Variants in MYPN observed in about 807,000 individuals in gnomAD.
MYPN encodes sarcomeric protein myopalladin, 145 kDa (MYOP).
Under a neutral mutation model 129.4 loss-of-function variants are expected in MYPN, and 63 were observed. That is an observed-to-expected ratio of 0.49 (90% CI 0.40 to 0.60). The LOEUF is 0.60. Ranked by LOEUF, MYPN falls within the 20% of genes least tolerant of loss-of-function variation. The pLI, the probability that MYPN is intolerant of heterozygous loss-of-function variation, is 0.00. For synonymous variants in MYPN, 629 were observed against 600.9 expected (o/e 1.05, Z -0.68); for missense variants, 1,596 against 1,635.4 (o/e 0.98, Z 0.42).
chr10:68,180,345 G>A (rs575488128), intron 12 of MYPN, among the ~76,000 whole-genome samples: 10 of 152,076 alleles, frequency 6.6e-5, no homozygotes, highest in Non-Finnish European at 8.8e-5. Flanking sequence ...GCCACTACTC[G>A]TGGCTAATTT....
At chr10:68,147,285 G>A (rs1212389612) in intron 4 of MYPN, among the ~76,000 whole-genome samples, 1 of 152,038 alleles carries the variant, frequency 6.6e-6, no homozygotes, top group Non-Finnish European at 1.5e-5. Context: ...CTCCCAAGAA[G>A]CTGGAATTAC....
Position 68,122,265 on chromosome 10 carries a change from G to A in MYPN, c.827G>A (p.Arg276Gln), listed in dbSNP as rs771703762. 13 of 1,613,720 alleles carry A rather than the reference G, an allele frequency of 8.1e-6. No individual in the cohort carries two copies. Among genetic ancestry groups the A allele is most frequent in the African/African-American group, 1.3e-5 (1 of 74,908 alleles). The change falls in exon 2 of 20, where the codon CGG (arginine) becomes CAG (glutamine). Residue 276 changes from arginine (R) to glutamine (Q), a missense_variant. By Grantham distance (43) the Arg-to-Gln change is conservative. Coordinates refer to ENST00000358913, the MANE Select transcript of MYPN (RefSeq NM_032578.4). ...GQPPRFTQKL[R>Q]SREVPEGTRV... ...CCTCCCCGGTTCACTCAAAAGTTAC[G>A]GAGCAGAGAAGTTCCAGAAGGAACT...
intron 2 of MYPN, among the ~76,000 whole-genome samples, chr10:68,124,935 A>G (rs975031215): frequency 6.6e-6 from 1 of 152,220 alleles, no homozygotes; most frequent in Non-Finnish European, 1.5e-5. Context: ...GCTACTACTC[A>G]GCAGCATCTG....
intron 10 of MYPN, among the ~76,000 whole-genome samples, chr10:68,173,217 C>G (rs1198286066): frequency 6.6e-6 from 1 of 152,196 alleles, no homozygotes; most frequent in Non-Finnish European, 1.5e-5. Context: ...TGAGACACAT[C>G]CGGCTTCTTT....
intron 16 of MYPN, among the ~76,000 whole-genome samples, chr10:68,198,702 G>A (rs2043653299): frequency 1.3e-5 from 2 of 152,150 alleles, no homozygotes; most frequent in South Asian, 4.1e-4. Flanking sequence ...GTAATACACA[G>A]CAAGATTCAA....
At chr10:68,110,988 T>C (rs1380809181) in intron 1 of MYPN, among the ~76,000 whole-genome samples, 2 of 152,210 alleles carry the variant, frequency 1.3e-5, no homozygotes, top group South Asian at 2.1e-4. Flanking sequence ...TCCCCACTTA[T>C]AGTATATGGC....
intron 10 of MYPN, among the ~76,000 whole-genome samples, chr10:68,170,590 T>C (rs186023474): frequency 3.3e-5 from 5 of 152,268 alleles, no homozygotes; most frequent in African/African-American, 1.2e-4. Context: ...GCTATTCATA[T>C]GGAAAATAGA....
At chr10:68,095,990 AT>A (rs1470412963) in intron 1 of MYPN, among the ~76,000 whole-genome samples, 4 of 152,210 alleles carry the variant, frequency 2.6e-5, no homozygotes, top group African/African-American at 9.6e-5. Flanking sequence ...TTCAAAATAA[AT>A]TTTTTATTAG....
chr10:68,165,340 T>C, intron 8 of MYPN: 1 of 393,530 alleles, frequency 2.5e-6, no homozygotes, highest in Non-Finnish European at 4.9e-6. Context: ...TAGTCCCAGC[T>C]ACTCGGGAGG....
At chr10:68,205,514 A>AT (rs968344867) in intron 18 of MYPN, among the ~76,000 whole-genome samples, 1 of 82,952 alleles carries the variant, frequency 1.2e-5, no homozygotes, top group African/African-American at 3.7e-5. Flanking sequence ...CCCTATTTCT[A>AT]CCAAAAAAAA....
intron 1 of MYPN, among the ~76,000 whole-genome samples, chr10:68,089,012 C>A (rs1745758883): frequency 6.6e-6 from 1 of 152,092 alleles, no homozygotes; most frequent in South Asian, 2.1e-4. Flanking sequence ...TCACACAATG[C>A]GTAGTCTTTT....
At position 68,121,458 on chromosome 10, in the gene MYPN, A is replaced by C; in HGVS notation, c.20A>C (p.Glu7Ala). ...GACAGCATGCAAGACGACAGCATAGAAGCTTCTACTTCCATATCTCAGCTT... is the reference window on the plus strand; with the variant it reads ...GACAGCATGCAAGACGACAGCATAGCAGCTTCTACTTCCATATCTCAGCTT... The part of the protein sequence containing the change: MQDDSI[E>A]ASTSISQLLR... Residue 7 changes from glutamate to alanine, a missense_variant, in exon 2 of 20, where the codon GAA becomes GCA. By Grantham distance (107) the Glu-to-Ala change is moderately radical. Transcript: ENST00000358913. 2 of 1,612,608 alleles carry C rather than the reference A, an allele frequency of 1.2e-6. No individual in the cohort carries two copies. The highest frequency in any genetic ancestry group is 1.7e-6 in the Non-Finnish European group (2 of 1,179,416).
At chr10:68,155,778 C>A (rs1278683704) in intron 6 of MYPN, among the ~76,000 whole-genome samples, 1 of 152,148 alleles carries the variant, frequency 6.6e-6, no homozygotes, top group Non-Finnish European at 1.5e-5. Context: ...ATAACTATGA[C>A]TCTTAACAGT....
chr10:68,171,710 C>T (rs1225547947), intron 10 of MYPN, among the ~76,000 whole-genome samples: 1 of 152,230 alleles, frequency 6.6e-6, no homozygotes, highest in Non-Finnish European at 1.5e-5. Context: ...GCTAAAACCA[C>T]AGCAGATTTA....
At chr10:68,091,496 G>A (rs903863689) in intron 1 of MYPN, among the ~76,000 whole-genome samples, 1 of 149,480 alleles carries the variant, frequency 6.7e-6, no homozygotes, top group African/African-American at 2.5e-5. Flanking sequence ...CCAGGCTCAG[G>A]TGATCCTCCC....
At chr10:68,148,682 G>C (rs545586406) in intron 5 of MYPN, among the ~76,000 whole-genome samples, 1 of 152,158 alleles carries the variant, frequency 6.6e-6, no homozygotes, top group South Asian at 2.1e-4. Context: ...GAGAAGAAAC[G>C]CTTTACAAAT....
chr10:68,181,298 A>C (rs536178342), intron 12 of MYPN, among the ~76,000 whole-genome samples: 1 of 148,658 alleles, frequency 6.7e-6, no homozygotes, highest in East Asian at 2.0e-4. Flanking sequence ...TTTAATTTTA[A>C]TTTTTTTTTT....
In MYPN at chr10:68,166,316, C is replaced by T. The variant is rs746849244; in HGVS notation, c.1623C>T (p.Asn541=). The change falls in exon 10 of 20, where the codon AAC becomes AAT. Residue 541 remains asparagine, a synonymous_variant. Coordinates refer to ENST00000358913, the MANE Select transcript of MYPN (RefSeq NM_032578.4). ...HVRGNEDLSN[N]GSLHSANSTT... The stretch of plus-strand genomic sequence containing the variant: ...CAGGAAATGAGGACCTCAGCAACAA[C>T]GGGTCTCTTCACTCAGCCAACTCTA... 1.7e-5 allele frequency: 27 copies of T among 1,613,954 alleles called. 1 individual carries two copies. The highest frequency in any genetic ancestry group is 1.1e-4 in the East Asian group (5 of 44,876).
At position 68,199,538 on chromosome 10, in the gene MYPN, C is replaced by T. The variant is rs202183926; in HGVS notation, c.3456C>T (p.Thr1152=). 518 of 1,614,098 alleles carry T rather than the reference C, an allele frequency of 3.2e-4. 8 individuals carry two copies. The South Asian group carries it at 4.7e-3, about 15-fold the overall frequency. ...GTYKCIATNK[T]GQNSFSLELS... is the part of the protein sequence containing the mutation. ...ATAAGTGCATCGCTACCAACAAAAC[C>T]GGGCAGAATTCTTTTAGTCTGGAGC... The change falls in exon 17 of 20, where the codon ACC becomes ACT. Residue 1152 remains threonine (T), a synonymous_variant. Transcript: ENST00000358913.
Sources: allele counts gnomAD v4.1 joint callset (sites outside exome capture counted in the v4.1 genomes callset), GRCh38; gene constraint gnomAD v4.1.1; transcripts MANE v1.5; gene names NCBI Gene and HGNC (gene_info 2026-07-23, HGNC 2026-07-21).